Variants in WLS observed in about 807,000 individuals in gnomAD.
The protein encoded by WLS is protein wntless homolog.
Under a neutral mutation model 62.8 loss-of-function variants are expected in WLS, and 23 were observed. The observed-to-expected ratio is 0.37, with a 90% CI of 0.26 to 0.52. The LOEUF is 0.52. WLS is among the 20% of genes least tolerant of loss of function. The pLI, the probability that WLS is intolerant of heterozygous loss-of-function variation, is 0.92. For missense variants in WLS, 615 were observed against 697.3 expected, an observed-to-expected ratio of 0.88 and a Z score of 1.33; for synonymous variants, 246 against 244.1, an observed-to-expected ratio of 1.01 and a Z score of -0.07.
intron 2 of WLS, among the ~76,000 whole-genome samples, chr1:68,166,390 G>A (rs1328244435): frequency 6.6e-6 from 1 of 152,172 alleles, no homozygotes; most frequent in Non-Finnish European, 1.5e-5. Flanking sequence ...CTTCATCAGA[G>A]GCTAACATGC....
At chr1:68,103,690 G>C (rs551260583) in intron 11 of WLS, among the ~76,000 whole-genome samples, 4 of 152,108 alleles carry the variant, frequency 2.6e-5, no homozygotes. Flanking sequence ...TATCAGAAGA[G>C]GCCAGGGTGG....
chr1:68,162,420 C>T, intron 2 of WLS: 2 of 1,613,834 alleles, frequency 1.2e-6, no homozygotes, highest in African/African-American at 1.3e-5. Flanking sequence ...TGTAGACCCT[C>T]TGCACGCCCA....
chr1:68,112,463 T>C (rs780481170), intron 11 of WLS, among the ~76,000 whole-genome samples: 26 of 152,198 alleles, frequency 1.7e-4, no homozygotes, highest in Non-Finnish European at 3.2e-4. Context: ...CATTCAATGC[T>C]GTGTACACTC....
At chr1:68,103,654 G>A (rs947207306) in intron 11 of WLS, among the ~76,000 whole-genome samples, 6 of 152,124 alleles carry the variant, frequency 3.9e-5, no homozygotes, top group African/African-American at 1.4e-4. Context: ...CTCCAAATGA[G>A]GAGAAGCAAG....
intron 2 of WLS, chr1:68,162,566 C>T: frequency 4.5e-6 from 7 of 1,566,924 alleles, no homozygotes; most frequent in Non-Finnish European, 6.2e-6. Context: ...CGGATGCTGG[C>T]CGATCCCGAG....
chr1:68,123,175 G>A (rs12746938), downstream of WLS, among the ~76,000 whole-genome samples: 3,435 of 152,012 alleles, frequency 0.023, 55 homozygotes, highest in Middle Eastern at 0.041. Context: ...CACCACAATT[G>A]CCCACTGACT....
intron 8 of WLS, 57 bp downstream of exon 8, chr1:68,148,079 T>C (rs1646775606): frequency 1.9e-6 from 3 of 1,585,620 alleles, no homozygotes; most frequent in Non-Finnish European, 1.7e-6. Context: ...AAAATGATCT[T>C]GGGGACTGGG....
chr1:68,218,870 A>G (rs1055363544), intron 1 of WLS, among the ~76,000 whole-genome samples: 18 of 152,370 alleles, frequency 1.2e-4, no homozygotes, highest in African/African-American at 3.8e-4. Flanking sequence ...GGCATTTATA[A>G]AAGCTGACAT....
At chr1:68,179,727 A>G (rs563164306) in intron 2 of WLS, among the ~76,000 whole-genome samples, 19 of 152,264 alleles carry the variant, frequency 1.2e-4, no homozygotes, top group African/African-American at 4.6e-4. Context: ...TTGTAATTAC[A>G]CTAATAGTCT....
At chr1:68,183,521 T>G in intron 2 of WLS, 1 of 532,798 alleles carries the variant, frequency 1.9e-6, no homozygotes, top group East Asian at 5.5e-5. Context: ...GAATTAAATA[T>G]CACAATTCTT....
chr1:68,172,471 A>G (rs558101296), intron 2 of WLS, among the ~76,000 whole-genome samples: 2 of 152,320 alleles, frequency 1.3e-5, no homozygotes, highest in East Asian at 3.9e-4. Context: ...CTTCTATAAA[A>G]AAAAGAGTAG....
chr1:68,124,328 A>T (rs762828166), downstream of WLS, among the ~76,000 whole-genome samples: 1 of 152,032 alleles, frequency 6.6e-6, no homozygotes, highest in Non-Finnish European at 1.5e-5. Flanking sequence ...ACCCTTCTCC[A>T]TCTGGCTCAC....
At chr1:68,168,719 A>G (rs1354536369) in intron 2 of WLS, among the ~76,000 whole-genome samples, 1 of 152,184 alleles carries the variant, frequency 6.6e-6, no homozygotes, top group Non-Finnish European at 1.5e-5. Context: ...GCTGCCAGTC[A>G]CCAGAGTTTG....
chr1:68,205,153 T>C (rs987872290), intron 1 of WLS, among the ~76,000 whole-genome samples: 4 of 152,256 alleles, frequency 2.6e-5, no homozygotes, highest in African/African-American at 4.8e-5. Context: ...AGTGACAGTT[T>C]GGGAAGAAGC....
At chr1:68,194,299 C>A in intron 1 of WLS, 72 bp from the exon 2 acceptor site, 1 of 1,541,286 alleles carries the variant, frequency 6.5e-7, no homozygotes, top group South Asian at 1.3e-5. Context: ...AATATTCTTT[C>A]CACTGCTGTG....
intron 11 of WLS, among the ~76,000 whole-genome samples, chr1:68,105,646 A>G (rs1646133569): frequency 6.6e-6 from 1 of 152,224 alleles, no homozygotes; most frequent in South Asian, 2.1e-4. Context: ...AAGGTTTACT[A>G]AGAAACTACC....
At chr1:68,129,047 G>A (rs570212766) in intron 11 of WLS, among the ~76,000 whole-genome samples, 3 of 152,258 alleles carry the variant, frequency 2.0e-5, no homozygotes, top group East Asian at 1.9e-4. Flanking sequence ...GCATACAGCC[G>A]GGTGCGGTGG....
rs528748286 is a variant in WLS, at chr1:68,129,279, C to T, written c.1517-2944G>A. Among the ~76,000 whole-genome samples the T allele has an allele frequency of 1.4e-4, 22 of 152,214 alleles. No homozygotes were observed. The East Asian group carries it at 2.5e-3, about 17-fold the overall frequency. ...GGCGGAGGTTGCATTAAGTCAAGAT[C>T]GTGCCCTTGCACTCCAGCCTGGGTG... On this transcript the variant is annotated intron_variant, in intron 11 of 11. Coordinates refer to ENST00000262348, the MANE Select transcript of WLS (RefSeq NM_024911.7).
chr1:68,186,769 T>C (rs1647970783), intron 2 of WLS: 1 of 428,678 alleles, frequency 2.3e-6, no homozygotes, highest in South Asian at 1.7e-5. Flanking sequence ...CTAAAACATG[T>C]GTGTATATGT....
Sources: allele counts gnomAD v4.1 joint callset (sites outside exome capture counted in the v4.1 genomes callset), GRCh38; gene constraint gnomAD v4.1.1; transcripts MANE v1.5; gene names NCBI Gene and HGNC (gene_info 2026-07-23, HGNC 2026-07-21).